HSD3B7: variants seen among roughly 807,000 people sequenced by gnomAD.
HSD3B7 encodes 3 beta-hydroxysteroid dehydrogenase type 7.
Under a neutral mutation model 34.3 loss-of-function variants are expected in HSD3B7, and 35 were observed. The observed-to-expected ratio is 1.02, with a 90% CI of 0.78 to 1.35. The LOEUF is 1.35. HSD3B7 is among the 40% of genes most tolerant of loss of function. The pLI is 0.00. For synonymous variants in HSD3B7, 217 were observed against 220.1 expected (o/e 0.99, Z 0.13); for missense variants, 426 against 504.7 (o/e 0.84, Z 1.49).
chr16:30,985,990 C>G (rs754980017), intron 2 of HSD3B7, 59 bp from the exon 3 acceptor site: 2 of 1,596,708 alleles, frequency 1.3e-6, no homozygotes, highest in Non-Finnish European at 1.7e-6. Flanking sequence ...GAAGATGAAC[C>G]CAGCCTCTGG....
At position 30,987,852 on chromosome 16, in the gene HSD3B7, A is replaced by G. The variant is rs1192063788; in HGVS notation, c.779A>G (p.Tyr260Cys). 1 of 1,613,664 alleles carries G rather than the reference A, an allele frequency of 6.2e-7. No individual in the cohort carries two copies. Residue 260 changes from tyrosine (Y) to cysteine (C), a missense_variant, in exon 7 of 7, where the codon TAC (tyrosine) becomes TGC (cysteine). Transcript: ENST00000297679. ...ATGGGCGGCCAGGTATACTTCTGCT[A>G]CGATGGATCACCCTACAGGAGCTAC... ...TLMGGQVYFC[Y>C]DGSPYRSYED...
intron 1 of HSD3B7, 178 bp downstream of exon 1, chr16:30,985,475 G>C (rs576121382): frequency 3.4e-5 from 51 of 1,485,044 alleles, no homozygotes; most frequent in Non-Finnish European, 4.5e-5. Context: ...CCCTCTCTCC[G>C]TAACTCAGCC....
In HSD3B7 at chr16:30,987,902, G is replaced by C. The variant is rs768224678; in HGVS notation, c.829G>C (p.Gly277Arg). ...SYEDFNMEFL[G>R]PCGLRLVGAR... ...CGAGGATTTCAACATGGAGTTCCTGGGCCCCTGCGGACTGCGGCTGGTGGG... is the reference window on the plus strand; with the variant it reads ...CGAGGATTTCAACATGGAGTTCCTGCGCCCCTGCGGACTGCGGCTGGTGGG... Residue 277 changes from glycine to arginine, a missense_variant, in exon 7 of 7, where the codon GGC becomes CGC. Transcript: ENST00000297679. The C allele has an allele frequency of 6.2e-7, 1 of 1,613,942 alleles. No homozygotes were observed. Among genetic ancestry groups the C allele is most frequent in the Admixed American group, 1.7e-5 (1 of 60,028 alleles).
At chr16:30,986,240 G>C (rs1415040369) in intron 3 of HSD3B7, 36 bp downstream of exon 3, 1 of 1,607,680 alleles carries the variant, frequency 6.2e-7, no homozygotes, top group Non-Finnish European at 8.5e-7. Flanking sequence ...CATCTTGCCT[G>C]TTTGTTCCCC....
In HSD3B7 at chr16:30,988,537, C is replaced by G. The variant is rs1189138066; in HGVS notation, c.*354C>G. The G allele has an allele frequency of 4.2e-6, 1 of 236,304 alleles. No homozygotes were observed. Among genetic ancestry groups the G allele is most frequent in the Non-Finnish European group, 8.4e-6 (1 of 118,550 alleles). 14.6% of individuals were successfully genotyped at this position (236,304 alleles called of 1,614,324 possible). Reference sequence around the variant, plus strand: ...TTAGAGACAGGGTCTCACTATATTGCTCAGGCTGGTCTTGAACTCCTGGGC... The same window carrying G: ...TTAGAGACAGGGTCTCACTATATTGGTCAGGCTGGTCTTGAACTCCTGGGC... On this transcript the variant is annotated 3_prime_UTR_variant, in exon 7 of 7. Transcript: ENST00000297679.
chr16:30,987,745 C>T (rs765276955), intron 6 of HSD3B7, 23 bp from the exon 7 acceptor site: 12 of 1,607,574 alleles, frequency 7.5e-6, no homozygotes, highest in African/African-American at 2.7e-5. Context: ...GGGGTGTGTC[C>T]GCCTCTCTTC....
Position 30,988,643 on chromosome 16 carries a change from A to C in HSD3B7, c.*460A>C. Reference sequence around the variant, plus strand: ...ACCGCGCCTGGCCCAAGCCCTCCACATTTTCAATCCAGGAGCCTTGAGTCT... The same window carrying C: ...ACCGCGCCTGGCCCAAGCCCTCCACCTTTTCAATCCAGGAGCCTTGAGTCT... On this transcript the variant is annotated 3_prime_UTR_variant, in exon 7 of 7. Transcript: ENST00000297679. 1 of 166,008 alleles carries C rather than the reference A, an allele frequency of 6.0e-6. No homozygotes were observed. The highest frequency in any genetic ancestry group is 5.6e-5 in the Admixed American group (1 of 17,894). The allele number at this position is 166,008 out of a possible 1,614,324, so 10.3% of individuals were successfully genotyped here.
At chr16:30,985,509 G>T in intron 1 of HSD3B7, 144 bp from the exon 2 acceptor site, 1 of 1,513,242 alleles carries the variant, frequency 6.6e-7, no homozygotes, top group Non-Finnish European at 8.8e-7. Context: ...GACGGCAGGT[G>T]GCCTGGTTGC....
chr16:30,987,729 C>A, intron 6 of HSD3B7, 39 bp from the exon 7 acceptor site: 1 of 1,603,542 alleles, frequency 6.2e-7, no homozygotes, highest in Non-Finnish European at 8.5e-7. Context: ...GTTGCAAGGG[C>A]ACTCAGGGGT....
rs761127422 is a variant in HSD3B7, at chr16:30,985,870, C to T, written c.166+46C>T. The T allele has an allele frequency of 1.5e-5, 24 of 1,582,920 alleles. No homozygotes were observed. The East Asian group carries it at 4.1e-4, about 27-fold the overall frequency. The stretch of plus-strand genomic sequence containing the variant: ...TGGTGGAGAGGGTGTGGACGCTTCC[C>T]CAACCCTTCCCAAGCTGGGATCCCC... On this transcript the variant is annotated intron_variant, in intron 2 of 6. Coordinates refer to ENST00000297679, the MANE Select transcript of HSD3B7 (RefSeq NM_025193.4).
rs1303269806 is a variant in HSD3B7, at chr16:30,987,947, T to C, written c.874T>C (p.Tyr292His). 6.2e-7 allele frequency: 1 copy of C among 1,612,902 alleles called. No individual in the cohort carries two copies. Among genetic ancestry groups the C allele is most frequent in the Admixed American group, 1.7e-5 (1 of 60,024 alleles). The part of the protein sequence containing the change: ...RLVGARPLLP[Y>H]WLLVFLAALN... ...GGTGGGCGCCCGCCCATTGCTGCCC[T>C]ACTGGCTGCTGGTGTTCCTGGCTGC... Residue 292 changes from tyrosine (Y) to histidine (H), a missense_variant, in exon 7 of 7, where the codon TAC becomes CAC. Physicochemically the swap from Tyr to His is moderately conservative, Grantham distance 83. Transcript: ENST00000297679.
rs747037010 is a variant in HSD3B7 at position 30,986,577 on chromosome 16, C to T, written c.432-28C>T. 1.9e-6 allele frequency: 3 copies of T among 1,613,006 alleles called. No homozygotes were observed. In the South Asian group the frequency reaches 3.3e-5, roughly 18 times the overall value. On this transcript the variant is annotated intron_variant, in intron 4 of 6. Coordinates refer to ENST00000297679, the MANE Select transcript of HSD3B7 (RefSeq NM_025193.4). Reference sequence around the variant, plus strand: ...TCCTCTAAGAGCCCATTTCCCTCAGCATTGAGTCTTCCTTCTCCTCCCACC... The same window carrying T: ...TCCTCTAAGAGCCCATTTCCCTCAGTATTGAGTCTTCCTTCTCCTCCCACC...
At position 30,986,054 on chromosome 16, in the gene HSD3B7, G is replaced by A; in HGVS notation, c.172G>A (p.Val58Met). The A allele has an allele frequency of 6.2e-7, 1 of 1,612,970 alleles. No homozygotes were observed. Among genetic ancestry groups the A allele is most frequent in the East Asian group, 2.2e-5 (1 of 44,890 alleles). ...PWLEELKTGP[V>M]RVTAIQGDVT... ...TGTCCTCCAACCCCGGCCAGGGCCT[G>A]TGAGGGTGACTGCCATCCAGGGGGA... is the stretch of plus-strand genomic sequence containing the variant. The change falls in exon 3 of 7, where the codon GTG becomes ATG. Residue 58 changes from valine to methionine, a missense_variant. Physicochemically the swap from Val to Met is conservative, Grantham distance 21 (BLOSUM62 1). Transcript: ENST00000297679.
Position 30,986,072 on chromosome 16 carries a change from C to G in HSD3B7, c.190C>G (p.Gln64Glu), listed in dbSNP as rs551110118. 27 of 1,613,414 alleles carry G rather than the reference C, an allele frequency of 1.7e-5. No homozygotes were observed. The East Asian group carries it at 5.6e-4, about 33-fold the overall frequency. ...AGGGCCTGTGAGGGTGACTGCCATC[C>G]AGGGGGACGTGACCCAGGCCCATGA... ...KTGPVRVTAI[Q>E]GDVTQAHEVA... Residue 64 changes from glutamine (Q) to glutamate (E), a missense_variant, in exon 3 of 7, where the codon CAG becomes GAG. By Grantham distance (29) the Gln-to-Glu change is conservative. Coordinates refer to ENST00000297679, the MANE Select transcript of HSD3B7 (RefSeq NM_025193.4).
At chr16:30,985,954 C>A in intron 2 of HSD3B7, 95 bp from the exon 3 acceptor site, 1 of 1,576,202 alleles carries the variant, frequency 6.3e-7, no homozygotes, top group Non-Finnish European at 8.7e-7. Flanking sequence ...TCGAGTGAGT[C>A]ACATTGGGAA....
In HSD3B7 at chr16:30,986,617, C is replaced by T. The variant is rs2056483464; in HGVS notation, c.444C>T (p.Asp148=). Residue 148 remains aspartate, a synonymous_variant, in exon 5 of 7, where the codon GAC becomes GAT. Coordinates refer to ENST00000297679, the MANE Select transcript of HSD3B7 (RefSeq NM_025193.4). ...KGHPFYRGNE[D]TPYEAVHRHP... ...CTCCTCCCACCAGGGGCAACGAAGA[C>T]ACCCCATACGAAGCAGTGCACAGGC... 14 of 1,614,052 alleles carry T rather than the reference C, an allele frequency of 8.7e-6. No homozygotes were observed. The highest frequency in any genetic ancestry group is 1.0e-5 in the Non-Finnish European group (12 of 1,180,012).
chr16:30,988,210 G>A lies in HSD3B7; in HGVS notation c.*27G>A, dbSNP rs762582807. On this transcript the variant is annotated 3_prime_UTR_variant, in exon 7 of 7. Coordinates refer to ENST00000297679, the MANE Select transcript of HSD3B7 (RefSeq NM_025193.4). ...GGTGGGGCTGGGGCCTGGAGGCCCA[G>A]ATACAGCACATCCACCCAGGTCCCG... The A allele has an allele frequency of 6.4e-7, 1 of 1,566,838 alleles. No individual in the cohort carries two copies. Among genetic ancestry groups the A allele is most frequent in the African/African-American group, 1.4e-5 (1 of 73,760 alleles).
At position 30,985,280 on chromosome 16, in the gene HSD3B7, C is replaced by A; in HGVS notation, c.-24C>A. The A allele has an allele frequency of 8.4e-7, 1 of 1,185,132 alleles. No homozygotes were observed. Among genetic ancestry groups the A allele is most frequent in the Non-Finnish European group, 1.1e-6 (1 of 942,808 alleles). The allele number at this position is 1,185,132 out of a possible 1,614,324, so 73.4% of individuals were successfully genotyped here. A position where few individuals can be genotyped will look rare whatever the true frequency, so the allele number is the denominator to read the frequency against. ...GCCCCTCCAGGCCAGTCTGGGCACCCTGGGATAGCGGCTGCAGGTAGGCAG... is the reference window on the plus strand; with the variant it reads ...GCCCCTCCAGGCCAGTCTGGGCACCATGGGATAGCGGCTGCAGGTAGGCAG... On this transcript the variant is annotated 5_prime_UTR_variant, in exon 1 of 7. The change creates a new upstream start codon in the 5' untranslated region. Coordinates refer to ENST00000297679, the MANE Select transcript of HSD3B7 (RefSeq NM_025193.4).
chr16:30,986,971 G>A lies in HSD3B7; in HGVS notation c.663G>A (p.Pro221=), dbSNP rs201116939. 20 of 1,612,926 alleles carry A rather than the reference G, an allele frequency of 1.2e-5. No individual in the cohort carries two copies. Among genetic ancestry groups the A allele is most frequent in the Admixed American group, 6.7e-5 (4 of 60,026 alleles). The change falls in exon 6 of 7, where the codon CCG becomes CCA. Residue 221 remains proline, a synonymous_variant. Transcript: ENST00000297679. ...GAGGTTGGCTCTTCCGGGCCATCCC[G>A]GCCTCTGTGGAGCATGGCCGGGTCT... ...RLGGWLFRAI[P]ASVEHGRVYV...
Sources: gnomAD v4.1 joint callset for allele counts on GRCh38, gnomAD v4.1.1 for gene constraint, MANE v1.5 for transcripts, NCBI Gene and HGNC (gene_info 2026-07-23, HGNC 2026-07-21) for gene names.